The following TRIM2 variants were observed in gnomAD, a reference collection of about 807,000 sequenced individuals.
TRIM2 encodes tripartite motif-containing protein 2.
Under a neutral mutation model 75.2 loss-of-function variants are expected in TRIM2, and 20 were observed. The observed-to-expected ratio is 0.27, with a 90% confidence interval of 0.19 to 0.39. TRIM2 has a LOEUF of 0.39. Among genes scored for constraint, TRIM2 ranks in the 10% least tolerant of loss-of-function variants. The pLI is 1.00. For synonymous variants in TRIM2, 373 were observed against 388.3 expected, an observed-to-expected ratio of 0.96 and a Z score of 0.46; for missense variants, 660 against 990.8, an observed-to-expected ratio of 0.67 and a Z score of 4.48.
chr4:153,293,253 T>A, intron 4 of TRIM2, 120 bp downstream of exon 4: 1 of 1,036,228 alleles, frequency 9.7e-7, no homozygotes, highest in Non-Finnish European at 1.4e-6. Flanking sequence ...GCTTTGTGGG[T>A]AAATAAGTTC....
intron 1 of TRIM2, among the ~76,000 whole-genome samples, chr4:153,255,247 T>C (rs1299136030): frequency 1.3e-5 from 2 of 152,188 alleles, no homozygotes; most frequent in African/African-American, 2.4e-5. Flanking sequence ...CAAGTCTTCA[T>C]TGGAATGAAT....
At chr4:153,332,774 A>G (rs1771772917) in intron 11 of TRIM2, among the ~76,000 whole-genome samples, 3 of 152,262 alleles carry the variant, frequency 2.0e-5, no homozygotes, top group Admixed American at 2.0e-4. Context: ...GTGAGATATT[A>G]CTGCACACTT....
At position 153,262,259 on chromosome 4, in the gene TRIM2, T is replaced by TC. The variant is rs201605936; in HGVS notation, c.31-8071dup. On this transcript the variant is annotated intron_variant, in intron 1 of 11. Transcript: ENST00000338700. ...CTGGACTTTATTACTCAAATCAGAC[T>TC]CCCCCAAAATTCCAAGGCTAGGGTT... Among the ~76,000 whole-genome samples the TC allele has an allele frequency of 6.7e-3, 1,023 of 152,048 alleles. 13 individuals carry two copies. The highest frequency in any genetic ancestry group is 0.023 in the African/African-American group (960 of 41,472).
intron 1 of TRIM2, among the ~76,000 whole-genome samples, chr4:153,208,989 T>A (rs1159087378): frequency 6.6e-6 from 1 of 152,200 alleles, no homozygotes; most frequent in Non-Finnish European, 1.5e-5. Context: ...CAGCATCAAT[T>A]CCTTCTTCCT....
At chr4:153,252,564 T>A (rs1751123103) in intron 1 of TRIM2, among the ~76,000 whole-genome samples, 1 of 152,192 alleles carries the variant, frequency 6.6e-6, no homozygotes, top group African/African-American at 2.4e-5. Flanking sequence ...CAGGCTGGAG[T>A]GCAGTGGCAT....
chr4:153,267,162 T>G (rs1201219756), intron 1 of TRIM2, among the ~76,000 whole-genome samples: 2 of 152,088 alleles, frequency 1.3e-5, no homozygotes, highest in Non-Finnish European at 2.9e-5. Flanking sequence ...TTTCCAAGCT[T>G]TAAAAACAGG....
intron 6 of TRIM2, among the ~76,000 whole-genome samples, chr4:153,307,140 G>T (rs1391908422): frequency 6.6e-6 from 1 of 152,200 alleles, no homozygotes; most frequent in Non-Finnish European, 1.5e-5. Context: ...ATCTGTTGAT[G>T]ATGATTTAAA....
chr4:153,198,351 C>T (rs1484205741), intron 1 of TRIM2, among the ~76,000 whole-genome samples: 4 of 152,178 alleles, frequency 2.6e-5, no homozygotes, highest in Admixed American at 2.0e-4. Flanking sequence ...GTGCTATTCT[C>T]ATGATAGTGA....
At chr4:153,294,927 T>G (rs1762479093) in intron 5 of TRIM2, among the ~76,000 whole-genome samples, 1 of 152,170 alleles carries the variant, frequency 6.6e-6, no homozygotes, top group African/African-American at 2.4e-5. Context: ...AGTTTTCATT[T>G]GTTTACTTCC....
In TRIM2 at chr4:153,338,141, C is replaced by A; in HGVS notation, c.*3175C>A. 1.0e-6 allele frequency: 1 copy of A among 985,812 alleles called. No homozygotes were observed. Among genetic ancestry groups the A allele is most frequent in the Non-Finnish European group, 1.2e-6 (1 of 829,918 alleles). The allele number at this position is 985,812 out of a possible 1,614,324, so 61.1% of individuals were successfully genotyped here. On this transcript the variant is annotated 3_prime_UTR_variant, in exon 12 of 12. Coordinates refer to ENST00000338700, the MANE Select transcript of TRIM2 (RefSeq NM_015271.5). ...AGCTAGAACACACTTGCTTCCACTACTAAATATACAGGGTATGTCCTAACA... is the reference window on the plus strand; with the variant it reads ...AGCTAGAACACACTTGCTTCCACTAATAAATATACAGGGTATGTCCTAACA...
intron 3 of TRIM2, among the ~76,000 whole-genome samples, chr4:153,285,801 T>A (rs896215550): frequency 6.6e-6 from 1 of 152,192 alleles, no homozygotes; most frequent in African/African-American, 2.4e-5. Context: ...ATTTTCTGTA[T>A]ATAAGATCAT....
chr4:153,204,231 T>C (rs1734791381), upstream of TRIM2, among the ~76,000 whole-genome samples: 1 of 152,212 alleles, frequency 6.6e-6, no homozygotes, highest in Non-Finnish European at 1.5e-5. Context: ...ACGCTTTTCC[T>C]ACTGGGGGCT....
At chr4:153,235,446 G>A (rs913824440) in intron 1 of TRIM2, among the ~76,000 whole-genome samples, 1 of 151,776 alleles carries the variant, frequency 6.6e-6, no homozygotes, top group Non-Finnish European at 1.5e-5. Flanking sequence ...AACCATGCCT[G>A]CCTAATTTTT....
At position 153,294,406 on chromosome 4, in the gene TRIM2, A is replaced by G; in HGVS notation, c.707A>G (p.Asp236Gly). 6.2e-7 allele frequency: 1 copy of G among 1,614,166 alleles called. No individual in the cohort carries two copies. Among genetic ancestry groups the G allele is most frequent in the Non-Finnish European group, 8.5e-7 (1 of 1,180,026 alleles). The part of the protein sequence containing the change: ...SIVDDIHSTF[D>G]ELQKTLNVRK... ...GTGGATGACATTCATTCCACCTTTG[A>G]TGAGCTCCAGAAGACTTTAAATGTG... is the stretch of plus-strand genomic sequence containing the variant. The change falls in exon 5 of 12, where the codon GAT becomes GGT. Residue 236 changes from aspartate (D) to glycine (G), a missense_variant. Physicochemically the swap from Asp to Gly is moderately conservative, Grantham distance 94 (BLOSUM62 -1). Coordinates refer to ENST00000338700, the MANE Select transcript of TRIM2 (RefSeq NM_015271.5).
At chr4:153,172,246 G>GGC (rs1242709476) in intron 1 of TRIM2, among the ~76,000 whole-genome samples, 2 of 151,930 alleles carry the variant, frequency 1.3e-5, no homozygotes, top group Admixed American at 6.6e-5. Context: ...GGAGTGCAGT[G>GGC]GTGCTATCTT....
intron 1 of TRIM2, among the ~76,000 whole-genome samples, chr4:153,178,097 T>A (rs1392514300): frequency 6.6e-6 from 1 of 152,130 alleles, no homozygotes; most frequent in South Asian, 2.1e-4. Context: ...CCACCGCACC[T>A]GGCCATGATT....
At chr4:153,272,762 C>A (rs1579217655) in intron 2 of TRIM2, among the ~76,000 whole-genome samples, 2 of 151,160 alleles carry the variant, frequency 1.3e-5, no homozygotes, top group East Asian at 3.9e-4. Context: ...TGAGCCACTG[C>A]GTCCAGCCGA....
upstream of TRIM2, among the ~76,000 whole-genome samples, chr4:153,203,867 G>T (rs1276108525): frequency 2.0e-5 from 3 of 151,960 alleles, no homozygotes; most frequent in South Asian, 2.1e-4. Flanking sequence ...ACTCCGGCCT[G>T]GGCAACAGAG....
At chr4:153,331,345 T>C (rs1456842704) in intron 11 of TRIM2, among the ~76,000 whole-genome samples, 2 of 152,044 alleles carry the variant, frequency 1.3e-5, no homozygotes, top group African/African-American at 4.8e-5. Context: ...AAAAAAAAAT[T>C]ATATTTTTAT....
Sources: gnomAD v4.1 joint callset for allele counts (sites outside exome capture counted in the v4.1 genomes callset) on GRCh38, gnomAD v4.1.1 for gene constraint, MANE v1.5 for transcripts, NCBI Gene and HGNC (gene_info 2026-07-23, HGNC 2026-07-21) for gene names.